The following KRTAP19-6 variants were observed in gnomAD, a reference collection of about 807,000 sequenced individuals.
The protein encoded by KRTAP19-6 is keratin associated protein 19-6, also known as keratin-associated protein 19-6.
For synonymous variants in KRTAP19-6, 20 were observed against 27.5 expected, an observed-to-expected ratio of 0.73 and a Z score of 0.85; for missense variants, 70 against 70.3, an observed-to-expected ratio of 1.00 and a Z score of 0.02.
rs754618651 is a variant in KRTAP19-6 at position 30,541,730 on chromosome 21, C to T, written c.104G>A (p.Gly35Asp). Residue 35 changes from glycine (G) to aspartate (D), a missense_variant, in exon 1 of 1, where the codon GGC becomes GAC. By Grantham distance (94) the Gly-to-Asp change is moderately conservative (BLOSUM62 -1). Coordinates refer to ENST00000334046, the MANE Select transcript of KRTAP19-6 (RefSeq NM_181612.3). ...CGCGGYRYGSGYGGYRYGCCR... is the reference protein window; with the variant it reads ...CGCGGYRYGSDYGGYRYGCCR... ...GCAGCCATATCTATAGCCTCCATAGCCAGAGCCATATCTGTAGCCTCCACA... is the reference window on the plus strand; with the variant it reads ...GCAGCCATATCTATAGCCTCCATAGTCAGAGCCATATCTGTAGCCTCCACA... 1.8e-5 allele frequency: 29 copies of T among 1,613,526 alleles called. No homozygotes were observed. The South Asian group carries it at 2.9e-4, about 16-fold the overall frequency.
chr21:30,541,646 C>G lies in KRTAP19-6; in HGVS notation c.*11G>C, dbSNP rs1978771920. ...GATCTTGGAGTTAGAGTATGAGAATCAGCAAGTTTTTTAGTAGAATCCAGA... is the reference window on the plus strand; with the variant it reads ...GATCTTGGAGTTAGAGTATGAGAATGAGCAAGTTTTTTAGTAGAATCCAGA... On this transcript the variant is annotated 3_prime_UTR_variant, in exon 1 of 1. Transcript: ENST00000334046. 6.5e-7 allele frequency: 1 copy of G among 1,544,408 alleles called. No individual in the cohort carries two copies. Among genetic ancestry groups the G allele is most frequent in the East Asian group, 2.3e-5 (1 of 42,778 alleles).
Position 30,541,772 on chromosome 21 carries a change from A to G in KRTAP19-6, c.62T>C (p.Leu21Pro). 2 of 1,614,018 alleles carry G rather than the reference A, an allele frequency of 1.2e-6. No individual in the cohort carries two copies. Among genetic ancestry groups the G allele is most frequent in the African/African-American group, 1.3e-5 (1 of 75,032 alleles). Residue 21 changes from leucine (L) to proline (P), a missense_variant, in exon 1 of 1, where the codon CTG becomes CCG. By Grantham distance (98) the Leu-to-Pro change is moderately conservative. Transcript: ENST00000334046. ...LGYGCGGFGG[L>P]GYGCGCGGYR... ...GCCTCCACAGCCACAGCCATAGCCCAGACCACCAAAGCCTCCACAGCCATA... is the reference window on the plus strand; with the variant it reads ...GCCTCCACAGCCACAGCCATAGCCCGGACCACCAAAGCCTCCACAGCCATA...
At position 30,541,673 on chromosome 21, in the gene KRTAP19-6, A is replaced by T. The variant is rs2123535135; in HGVS notation, c.161T>A (p.Phe54Tyr). The T allele has an allele frequency of 6.2e-7, 1 of 1,613,728 alleles. No homozygotes were observed. The highest frequency in any genetic ancestry group is 2.2e-5 in the East Asian group (1 of 44,868). Reference protein sequence around the residue: ...CRPSCREGYGFSGFY With the variant: ...CRPSCREGYGYSGFY Reference sequence around the variant, plus strand: ...GCAAGTTTTTTAGTAGAATCCAGAGAATCCATATCCTTCACGGCATGATGG... The same window carrying T: ...GCAAGTTTTTTAGTAGAATCCAGAGTATCCATATCCTTCACGGCATGATGG... Residue 54 changes from phenylalanine (F) to tyrosine (Y), a missense_variant, in exon 1 of 1, where the codon TTC becomes TAC. Phe to Tyr is a conservative substitution (Grantham distance 22). Coordinates refer to ENST00000334046, the MANE Select transcript of KRTAP19-6 (RefSeq NM_181612.3).
chr21:30,541,652 G>A lies in KRTAP19-6; in HGVS notation c.*5C>T. On this transcript the variant is annotated 3_prime_UTR_variant, in exon 1 of 1. Transcript: ENST00000334046. ...GGAGTTAGAGTATGAGAATCAGCAA[G>A]TTTTTTAGTAGAATCCAGAGAATCC... 1 of 1,524,214 alleles carries A rather than the reference G, an allele frequency of 6.6e-7. No individual in the cohort carries two copies. Among genetic ancestry groups the A allele is most frequent in the Non-Finnish European group, 8.7e-7 (1 of 1,145,224 alleles). 94.4% of individuals were successfully genotyped at this position (1,524,214 alleles called of 1,614,324 possible). A position where few individuals can be genotyped will look rare whatever the true frequency, so the allele number is the denominator to read the frequency against.
rs761717315 is a variant in KRTAP19-6 at position 30,541,761 on chromosome 21, A to G, written c.73T>C (p.Cys25Arg). ...CCATATCTGTAGCCTCCACAGCCAC[A>G]GCCATAGCCCAGACCACCAAAGCCT... ...CGGFGGLGYGCGCGGYRYGSG... is the reference protein window; with the variant it reads ...CGGFGGLGYGRGCGGYRYGSG... The change falls in exon 1 of 1, where the codon TGT (cysteine) becomes CGT (arginine). Residue 25 changes from cysteine (C) to arginine (R), a missense_variant. Coordinates refer to ENST00000334046, the MANE Select transcript of KRTAP19-6 (RefSeq NM_181612.3). The G allele has an allele frequency of 1.2e-6, 2 of 1,614,112 alleles. No homozygotes were observed. The highest frequency in any genetic ancestry group is 1.7e-6 in the Non-Finnish European group (2 of 1,179,984).
rs768598086 is a variant in KRTAP19-6 at position 30,541,854 on chromosome 21, C to T, written c.-21G>A. On this transcript the variant is annotated 5_prime_UTR_variant, in exon 1 of 1. Coordinates refer to ENST00000334046, the MANE Select transcript of KRTAP19-6 (RefSeq NM_181612.3). ...CTCATGGTGTCAGGGACTAGAGATT[C>T]AGTTCAATGCTAATGATGAGTTTCC... 1.9e-6 allele frequency: 3 copies of T among 1,597,950 alleles called. No individual in the cohort carries two copies. The highest frequency in any genetic ancestry group is 2.6e-6 in the Non-Finnish European group (3 of 1,169,412).
Position 30,541,556 on chromosome 21 carries a change from C to CA in KRTAP19-6, c.*100dup, listed in dbSNP as rs751486151. The CA allele has an allele frequency of 3.5e-5, 44 of 1,252,788 alleles. No homozygotes were observed. In the African/African-American group the frequency reaches 5.7e-4, roughly 16 times the overall value. 77.6% of individuals were successfully genotyped at this position (1,252,788 alleles called of 1,614,324 possible). The stretch of plus-strand genomic sequence containing the variant: ...GCTAGTTCCTTCTGGAGCATGAAGC[C>CA]AAAAAATGGTAGGTATTTTCTCTAC... On this transcript the variant is annotated 3_prime_UTR_variant, in exon 1 of 1. Transcript: ENST00000334046.
At chr21:30,541,738 A>C in the KRTAP19-6 span, 78 of 1,613,766 alleles carry the variant, frequency 4.8e-5, no homozygotes, top group Middle Eastern at 3.3e-4. Flanking sequence ...AGCCAGAGCC[A>C]TATCTGTAGC....
At position 30,541,582 on chromosome 21, in the gene KRTAP19-6, A is replaced by T. The variant is rs759676115; in HGVS notation, c.*75T>A. The T allele has an allele frequency of 6.7e-7, 1 of 1,489,342 alleles. No individual in the cohort carries two copies. The highest frequency in any genetic ancestry group is 9.3e-7 in the Non-Finnish European group (1 of 1,070,748). 92.3% of individuals were successfully genotyped at this position (1,489,342 alleles called of 1,614,324 possible). A position where few individuals can be genotyped will look rare whatever the true frequency, so the allele number is the denominator to read the frequency against. ...AAAAAATGGTAGGTATTTTCTCTACATTGAGAAAAGTGTTCGCCTTGCTGA... is the reference window on the plus strand; with the variant it reads ...AAAAAATGGTAGGTATTTTCTCTACTTTGAGAAAAGTGTTCGCCTTGCTGA... On this transcript the variant is annotated 3_prime_UTR_variant, in exon 1 of 1. Transcript: ENST00000334046.
At chr21:30,541,666 TC>T in the KRTAP19-6 span, 5 of 1,612,816 alleles carry the variant, frequency 3.1e-6, no homozygotes. Context: ...TTTAGTAGAA[TC>T]CAGAGAATCC....
Position 30,541,778 on chromosome 21 carries a change from C to G in KRTAP19-6, c.56G>C (p.Gly19Ala). The G allele has an allele frequency of 6.2e-7, 1 of 1,614,120 alleles. No homozygotes were observed. The highest frequency in any genetic ancestry group is 8.5e-7 in the Non-Finnish European group (1 of 1,180,020). Residue 19 changes from glycine (G) to alanine (A), a missense_variant, in exon 1 of 1, where the codon GGT (glycine) becomes GCT (alanine). Coordinates refer to ENST00000334046, the MANE Select transcript of KRTAP19-6 (RefSeq NM_181612.3). ...ACAGCCACAGCCATAGCCCAGACCA[C>G]CAAAGCCTCCACAGCCATATCCCAG... ...RGLGYGCGGF[G>A]GLGYGCGCGG...
chr21:30,541,593 T>C lies in KRTAP19-6; in HGVS notation c.*64A>G. 1 of 1,547,766 alleles carries C rather than the reference T, an allele frequency of 6.5e-7. No homozygotes were observed. Among genetic ancestry groups the C allele is most frequent in the Middle Eastern group, 1.7e-4 (1 of 5,924 alleles). Reference sequence around the variant, plus strand: ...GGTATTTTCTCTACATTGAGAAAAGTGTTCGCCTTGCTGAAGCATACGGGC... The same window carrying C: ...GGTATTTTCTCTACATTGAGAAAAGCGTTCGCCTTGCTGAAGCATACGGGC... On this transcript the variant is annotated 3_prime_UTR_variant, in exon 1 of 1. Coordinates refer to ENST00000334046, the MANE Select transcript of KRTAP19-6 (RefSeq NM_181612.3).
Position 30,541,755 on chromosome 21 carries a change from A to G in KRTAP19-6, c.79T>C (p.Cys27Arg), listed in dbSNP as rs2123535399. The G allele has an allele frequency of 6.2e-7, 1 of 1,613,906 alleles. No individual in the cohort carries two copies. Among genetic ancestry groups the G allele is most frequent in the East Asian group, 2.2e-5 (1 of 44,882 alleles). Reference sequence around the variant, plus strand: ...CCAGAGCCATATCTGTAGCCTCCACAGCCACAGCCATAGCCCAGACCACCA... The same window carrying G: ...CCAGAGCCATATCTGTAGCCTCCACGGCCACAGCCATAGCCCAGACCACCA... ...GFGGLGYGCG[C>R]GGYRYGSGYG... is the part of the protein sequence containing the mutation. The change falls in exon 1 of 1, where the codon TGT (cysteine) becomes CGT (arginine). Residue 27 changes from cysteine to arginine, a missense_variant. By Grantham distance (180) the Cys-to-Arg change is radical (BLOSUM62 -3). Transcript: ENST00000334046.
rs367870284 is a variant in KRTAP19-6, at chr21:30,541,698, G to C, written c.136C>G (p.Pro46Ala). Residue 46 changes from proline (P) to alanine (A), a missense_variant, in exon 1 of 1, where the codon CCA (proline) becomes GCA (alanine). By Grantham distance (27) the Pro-to-Ala change is conservative. Coordinates refer to ENST00000334046, the MANE Select transcript of KRTAP19-6 (RefSeq NM_181612.3). ...AATCCATATCCTTCACGGCATGATG[G>C]GCGGCAGCAGCCATATCTATAGCCT... The part of the protein sequence containing the change: ...YGGYRYGCCR[P>A]SCREGYGFSG... 37 of 1,613,630 alleles carry C rather than the reference G, an allele frequency of 2.3e-5. No individual in the cohort carries two copies. The highest frequency in any genetic ancestry group is 1.8e-4 in the South Asian group (16 of 91,052).
At position 30,541,835 on chromosome 21, in the gene KRTAP19-6, G is replaced by A. The variant is rs148895502; in HGVS notation, c.-2C>T. 1.6e-5 allele frequency: 25 copies of A among 1,612,164 alleles called. No homozygotes were observed. Among genetic ancestry groups the A allele is most frequent in the African/African-American group, 5.3e-5 (4 of 74,838 alleles). Reference sequence around the variant, plus strand: ...GTAGTAGCTGCCATAGTATCTCATGGTGTCAGGGACTAGAGATTCAGTTCA... The same window carrying A: ...GTAGTAGCTGCCATAGTATCTCATGATGTCAGGGACTAGAGATTCAGTTCA... On this transcript the variant is annotated 5_prime_UTR_variant, in exon 1 of 1. Transcript: ENST00000334046.
At position 30,541,674 on chromosome 21, in the gene KRTAP19-6, A is replaced by C. The variant is rs749770527; in HGVS notation, c.160T>G (p.Phe54Val). 1 of 1,613,286 alleles carries C rather than the reference A, an allele frequency of 6.2e-7. No homozygotes were observed. Among genetic ancestry groups the C allele is most frequent in the African/African-American group, 1.3e-5 (1 of 74,830 alleles). ...CRPSCREGYG[F>V]SGFY is the part of the protein sequence containing the mutation. ...CAAGTTTTTTAGTAGAATCCAGAGA[A>C]TCCATATCCTTCACGGCATGATGGG... The change falls in exon 1 of 1, where the codon TTC becomes GTC. Residue 54 changes from phenylalanine (F) to valine (V), a missense_variant. Phe to Val is a conservative substitution (Grantham distance 50). Transcript: ENST00000334046.
rs571878983 is a variant in KRTAP19-6 at position 30,541,543 on chromosome 21, T to C, written c.*114A>G. 16 of 984,868 alleles carry C rather than the reference T, an allele frequency of 1.6e-5. No individual in the cohort carries two copies. In the East Asian group the frequency reaches 3.1e-4, roughly 19 times the overall value. 61.0% of individuals were successfully genotyped at this position (984,868 alleles called of 1,614,324 possible). A position where few individuals can be genotyped will look rare whatever the true frequency, so the allele number is the denominator to read the frequency against. On this transcript the variant is annotated 3_prime_UTR_variant, in exon 1 of 1. Transcript: ENST00000334046. ...ATAAAAACTGATGGCTAGTTCCTTC[T>C]GGAGCATGAAGCCAAAAAATGGTAG...
Position 30,541,834 on chromosome 21 carries a change from G to A in KRTAP19-6, c.-1C>T. ...TGTAGTAGCTGCCATAGTATCTCATGGTGTCAGGGACTAGAGATTCAGTTC... is the reference window on the plus strand; with the variant it reads ...TGTAGTAGCTGCCATAGTATCTCATAGTGTCAGGGACTAGAGATTCAGTTC... On this transcript the variant is annotated 5_prime_UTR_variant, in exon 1 of 1. Coordinates refer to ENST00000334046, the MANE Select transcript of KRTAP19-6 (RefSeq NM_181612.3). The A allele has an allele frequency of 6.2e-7, 1 of 1,612,202 alleles. No homozygotes were observed. Among genetic ancestry groups the A allele is most frequent in the Non-Finnish European group, 8.5e-7 (1 of 1,178,850 alleles).
Position 30,541,861 on chromosome 21 carries a change from A to T in KRTAP19-6, c.-28T>A. 1 of 1,588,274 alleles carries T rather than the reference A, an allele frequency of 6.3e-7. No homozygotes were observed. Among genetic ancestry groups the T allele is most frequent in the South Asian group, 1.1e-5 (1 of 89,448 alleles). ...TGTCAGGGACTAGAGATTCAGTTCA[A>T]TGCTAATGATGAGTTTCCTGAGTGT... On this transcript the variant is annotated 5_prime_UTR_variant, in exon 1 of 1. It adds an upstream start codon to the 5' untranslated region. Coordinates refer to ENST00000334046, the MANE Select transcript of KRTAP19-6 (RefSeq NM_181612.3).
Sources: allele counts gnomAD v4.1 joint callset, GRCh38; gene constraint gnomAD v4.1.1; transcripts MANE v1.5; gene names NCBI Gene and HGNC (gene_info 2026-07-23, HGNC 2026-07-21).